The following PKIG variants were observed in gnomAD, a reference collection of about 807,000 sequenced individuals.
PKIG encodes protein kinase (cAMP-dependent, catalytic) inhibitor gamma.
PKIG carries 1 observed loss-of-function variant against 6.8 expected under a neutral mutation model. That is an observed-to-expected ratio of 0.15 (90% CI 0.05 to 0.69). The LOEUF (loss-of-function observed/expected upper bound fraction) is 0.69, where lower values mean the gene tolerates loss of function less well. PKIG is among the 30% of genes least tolerant of loss of function. PKIG has a pLI of 0.82. For synonymous variants in PKIG, 39 were observed against 43.0 expected, an observed-to-expected ratio of 0.91 and a Z score of 0.36; for missense variants, 77 against 104.0, an observed-to-expected ratio of 0.74 and a Z score of 1.13.
At chr20:44,566,583 T>G (rs1397761388) in intron 1 of PKIG, among the ~76,000 whole-genome samples, 1 of 152,166 alleles carries the variant, frequency 6.6e-6, no homozygotes, top group African/African-American at 2.4e-5. Flanking sequence ...TGGTGGCTCA[T>G]GCCTGTAATT....
At chr20:44,617,319 G>T (rs1416690528) in intron 3 of PKIG, among the ~76,000 whole-genome samples, 1 of 152,134 alleles carries the variant, frequency 6.6e-6, no homozygotes, top group African/African-American at 2.4e-5. Context: ...TGGGGTTTAA[G>T]AATGTACCAC....
In PKIG at chr20:44,614,531, C is replaced by T; in HGVS notation, c.-23-3C>T. 1.2e-6 allele frequency: 2 copies of T among 1,611,696 alleles called. No homozygotes were observed. The highest frequency in any genetic ancestry group is 1.7e-6 in the Non-Finnish European group (2 of 1,178,400). On this transcript the variant is annotated splice_polypyrimidine_tract_variant and splice_region_variant and intron_variant, in intron 2 of 3. Coordinates refer to ENST00000372886, the MANE Select transcript of PKIG (RefSeq NM_001281445.2). This position sits in a 1 kb window ranked among gnomAD's most constrained non-coding sequence, Gnocchi z 4.6. Reference sequence around the variant, plus strand: ...TCTGCCCCCTTGCCTTCTGTCCCCACAGGCCTGAGGAGCGATGCGACAGGC... The same window carrying T: ...TCTGCCCCCTTGCCTTCTGTCCCCATAGGCCTGAGGAGCGATGCGACAGGC...
chr20:44,559,432 C>T (rs771387086), intron 1 of PKIG, among the ~76,000 whole-genome samples: 26 of 152,156 alleles, frequency 1.7e-4, no homozygotes, highest in Admixed American at 6.6e-5. Context: ...AGGGAATGTA[C>T]AGAAGGGGTG....
chr20:44,584,827 G>T (rs2123357241), intron 1 of PKIG, among the ~76,000 whole-genome samples: 1 of 151,960 alleles, frequency 6.6e-6, no homozygotes, highest in South Asian at 2.1e-4. Context: ...TTGTTCAAGG[G>T]ATTCTCCTGC....
chr20:44,556,000 C>T (rs2064709541), intron 1 of PKIG, among the ~76,000 whole-genome samples: 1 of 152,162 alleles, frequency 6.6e-6, no homozygotes, highest in South Asian at 2.1e-4. Context: ...GCCACCATGC[C>T]TGGCTAATTT....
intron 2 of PKIG, among the ~76,000 whole-genome samples, chr20:44,610,496 T>TCACACACACACACA (rs1466815546): frequency 2.7e-5 from 3 of 111,512 alleles, no homozygotes; most frequent in African/African-American, 9.0e-5. Context: ...TCTCTCTCTC[T>TCACACACACACACA]CTCTCACACA....
intron 2 of PKIG, among the ~76,000 whole-genome samples, chr20:44,596,825 T>A (rs244099): frequency 0.86 from 130,268 of 152,184 alleles, 56,389 homozygotes; most frequent in African/African-American, 0.96. Context: ...GAATATTGTC[T>A]TGGAAGGGAA....
intron 1 of PKIG, among the ~76,000 whole-genome samples, chr20:44,577,431 A>G (rs2064908660): frequency 6.6e-6 from 1 of 152,050 alleles, no homozygotes; most frequent in African/African-American, 2.4e-5. Context: ...ACCGTGCTTG[A>G]CCAAGAACAT....
intron 2 of PKIG, among the ~76,000 whole-genome samples, chr20:44,604,065 G>C (rs992532839): frequency 1.3e-5 from 2 of 152,042 alleles, no homozygotes; most frequent in African/African-American, 4.8e-5. Context: ...AGAAGACTGG[G>C]GGCAGAAAAG....
At chr20:44,584,631 C>G (rs1313690993) in intron 1 of PKIG, among the ~76,000 whole-genome samples, 1 of 151,760 alleles carries the variant, frequency 6.6e-6, no homozygotes, top group Non-Finnish European at 1.5e-5. Context: ...CATCAGAGAC[C>G]CTAATCCTCA....
intron 2 of PKIG, among the ~76,000 whole-genome samples, chr20:44,608,302 G>A (rs1045554844): frequency 3.3e-5 from 5 of 151,964 alleles, no homozygotes; most frequent in African/African-American, 1.2e-4. Context: ...TATATCACTG[G>A]TATTCTTTTT....
chr20:44,560,899 G>A lies in PKIG; in HGVS notation c.-240-21686G>A, dbSNP rs565946094. Among the ~76,000 whole-genome samples, 6 of 152,172 alleles carry A rather than the reference G, an allele frequency of 3.9e-5. No individual in the cohort carries two copies. The East Asian group carries it at 1.2e-3, about 29-fold the overall frequency. On this transcript the variant is annotated intron_variant, in intron 1 of 4. Coordinates refer to the PKIG transcript ENST00000372887. The stretch of plus-strand genomic sequence containing the variant: ...CACTAGCACATGGGATTAAAACCAG[G>A]TTCACAAAGAAATAAGATACCATGA...
intron 1 of PKIG, among the ~76,000 whole-genome samples, chr20:44,544,670 T>C (rs1280730440): frequency 6.6e-6 from 1 of 152,192 alleles, no homozygotes; most frequent in African/African-American, 2.4e-5. Flanking sequence ...AGTTTACATC[T>C]CATTGTCCAT....
Position 44,585,439 on chromosome 20 carries a change from T to A in PKIG, c.-94+2708T>A, listed in dbSNP as rs568122949. On this transcript the variant is annotated intron_variant, in intron 1 of 3. Coordinates refer to ENST00000372886, the MANE Select transcript of PKIG (RefSeq NM_001281445.2). The stretch of plus-strand genomic sequence containing the variant: ...CACACAGGGCTGGGCATCTTGCATA[T>A]GCTGACTTCTCTTAATCTTCACAGC... 3.3e-5 allele frequency among the ~76,000 whole-genome samples: 5 copies of A among 152,322 alleles called. No homozygotes were observed. The South Asian group carries it at 1.0e-3, about 32-fold the overall frequency.
chr20:44,592,665 G>A (rs1169922456), intron 2 of PKIG, among the ~76,000 whole-genome samples: 2 of 152,162 alleles, frequency 1.3e-5, no homozygotes, highest in Non-Finnish European at 2.9e-5. Context: ...CTGGTTTACC[G>A]TGGACACTGA....
intron 2 of PKIG, among the ~76,000 whole-genome samples, chr20:44,590,079 C>T (rs560649730): frequency 6.6e-6 from 1 of 151,456 alleles, no homozygotes; most frequent in African/African-American, 2.4e-5. Context: ...TGTTTTCAGG[C>T]GTTTTTTTTT....
chr20:44,602,763 C>A (rs1291399347), intron 2 of PKIG, among the ~76,000 whole-genome samples: 1 of 151,422 alleles, frequency 6.6e-6, no homozygotes, highest in East Asian at 1.9e-4. Flanking sequence ...AGCACTTGAA[C>A]CGGGGAGGTG....
At chr20:44,558,594 C>A (rs909694669) in intron 1 of PKIG, among the ~76,000 whole-genome samples, 1 of 148,984 alleles carries the variant, frequency 6.7e-6, no homozygotes, top group Non-Finnish European at 1.5e-5. Context: ...TTCTTTCTTT[C>A]TTTCTTTCTT....
intron 2 of PKIG, among the ~76,000 whole-genome samples, chr20:44,602,379 C>CA (rs1247863471): frequency 6.6e-6 from 1 of 152,218 alleles, no homozygotes; most frequent in African/African-American, 2.4e-5. Context: ...TAGCACATAC[C>CA]ATAATCTGTG....
Sources: gnomAD v4.1 joint callset for allele counts (sites outside exome capture counted in the v4.1 genomes callset) on GRCh38, gnomAD v4.1.1 for gene constraint, Gnocchi (gnomAD v3.1) non-coding constraint, MANE v1.5 for transcripts, NCBI Gene and HGNC (gene_info 2026-07-23, HGNC 2026-07-21) for gene names.